Variants in LRBA observed in about 807,000 individuals in gnomAD.
The protein encoded by LRBA is lipopolysaccharide-responsive and beige-like anchor protein.
A neutral mutation model predicts 330.0 loss-of-function variants in LRBA; 176 were observed. The observed-to-expected ratio is 0.53, with a 90% confidence interval of 0.47 to 0.60. The LOEUF is 0.60. Among genes scored for constraint, LRBA ranks in the 20% least tolerant of loss-of-function variants. The pLI is 0.00. For missense variants in LRBA, 3,259 were observed against 3,444.8 expected (o/e 0.95, Z 1.35); for synonymous variants, 1,230 against 1,193.0 (o/e 1.03, Z -0.64).
At chr4:150,686,347 G>A in intron 36 of LRBA, among the ~76,000 whole-genome samples, 1 of 152,238 alleles carries the variant, frequency 6.6e-6, no homozygotes, top group South Asian at 2.1e-4. Flanking sequence ...AATTTCATAC[G>A]CTATATTTTT....
At chr4:150,866,668 T>C (rs1752728304) in intron 22 of LRBA, among the ~76,000 whole-genome samples, 1 of 152,190 alleles carries the variant, frequency 6.6e-6, no homozygotes, top group African/African-American at 2.4e-5. Context: ...TAGGAATATA[T>C]GCAGAAAATT....
At chr4:150,355,379 C>T (rs887302274) in intron 47 of LRBA, among the ~76,000 whole-genome samples, 1 of 151,984 alleles carries the variant, frequency 6.6e-6, no homozygotes, top group African/African-American at 2.4e-5. Flanking sequence ...TCATTCCCAG[C>T]TTAATGCTAA....
intron 11 of LRBA, 36 bp downstream of exon 11, chr4:150,908,298 T>G (rs1437155913): frequency 6.3e-7 from 1 of 1,594,988 alleles, no homozygotes; most frequent in African/African-American, 1.4e-5. Context: ...AAATTAACCC[T>G]CACAGCCAAT....
chr4:150,505,678 A>C (rs1468370762), intron 40 of LRBA, among the ~76,000 whole-genome samples: 35 of 150,910 alleles, frequency 2.3e-4, no homozygotes, highest in South Asian at 6.3e-4. Context: ...GAACTAGAAA[A>C]GCAAGAGCAA....
chr4:150,688,427 T>C (rs1783816653), intron 36 of LRBA, among the ~76,000 whole-genome samples: 1 of 152,158 alleles, frequency 6.6e-6, no homozygotes, highest in South Asian at 2.1e-4. Flanking sequence ...CCAAAAGCAA[T>C]GGCAACATAA....
At chr4:150,442,478 C>T (rs1581324536) in intron 44 of LRBA, among the ~76,000 whole-genome samples, 1 of 152,132 alleles carries the variant, frequency 6.6e-6, no homozygotes, top group East Asian at 1.9e-4. Context: ...GCTTAGGATC[C>T]TGATGACTGG....
chr4:150,737,782 C>T (rs1272947359), intron 35 of LRBA, among the ~76,000 whole-genome samples: 2 of 152,012 alleles, frequency 1.3e-5, no homozygotes, highest in Non-Finnish European at 2.9e-5. Flanking sequence ...GAAGTTAGTA[C>T]CAGGATGAGA....
In LRBA at chr4:150,852,668, T is replaced by C. The variant is rs1033804040; in HGVS notation, c.3042A>G (p.Thr1014=). ...ASNIELQTTN[T]SYEEMKAEQE... ...GCTCAGCTTTCATTTCTTCATAAGA[T>C]GTATTAGTAGTTTGCAGTTCAATAT... The change falls in exon 23 of 57, where the codon ACA becomes ACG. Residue 1014 remains threonine, a synonymous_variant. Transcript: ENST00000651943. 2 of 1,614,108 alleles carry C rather than the reference T, an allele frequency of 1.2e-6. No homozygotes were observed. The highest frequency in any genetic ancestry group is 2.7e-5 in the African/African-American group (2 of 75,064).
At chr4:150,526,424 G>T (rs892303018) in intron 40 of LRBA, among the ~76,000 whole-genome samples, 2 of 152,084 alleles carry the variant, frequency 1.3e-5, no homozygotes, top group Non-Finnish European at 2.9e-5. Flanking sequence ...ATGCTCATTT[G>T]CAGTTACAGA....
At chr4:150,952,101 T>C (rs1351067531) in intron 2 of LRBA, among the ~76,000 whole-genome samples, 2 of 152,256 alleles carry the variant, frequency 1.3e-5, no homozygotes, top group East Asian at 3.9e-4. Flanking sequence ...TCCAAATCAT[T>C]CTAAGAACCA....
intron 2 of LRBA, among the ~76,000 whole-genome samples, chr4:150,966,821 TCAGCATAAACAAATGGAAG>T (rs1478873752): frequency 1.3e-5 from 2 of 152,132 alleles, no homozygotes; most frequent in African/African-American, 4.8e-5. Flanking sequence ...ATGTCATCCA[TCAGCATAAACAAATGGAAG>T]TTCAAAAAAT....
In LRBA at chr4:150,386,168, A is replaced by C. The variant is rs1364577399; in HGVS notation, c.7194+29270T>G. ...AGATATTCTCAGTATTTGGCATCAT[A>C]ATAATCAAAATCAGCATTCTCCATA... On this transcript the variant is annotated intron_variant, in intron 47 of 56. Transcript: ENST00000651943. 1.8e-4 allele frequency among the ~76,000 whole-genome samples: 28 copies of C among 152,164 alleles called. 1 individual carries two copies. Among genetic ancestry groups the C allele is most frequent in the Admixed American group, 1.8e-3 (28 of 15,274 alleles).
chr4:150,982,063 T>C (rs1246269670), intron 2 of LRBA, among the ~76,000 whole-genome samples: 6 of 152,214 alleles, frequency 3.9e-5, no homozygotes, highest in Non-Finnish European at 8.8e-5. Flanking sequence ...TAGCATCTTA[T>C]GGAGTCAATG....
intron 28 of LRBA, among the ~76,000 whole-genome samples, chr4:150,835,920 T>A (rs1747979274): frequency 6.6e-6 from 1 of 152,220 alleles, no homozygotes; most frequent in South Asian, 2.1e-4. Flanking sequence ...CCATTCAGTA[T>A]GATATTGGCT....
chr4:150,501,263 G>C (rs569240984), intron 40 of LRBA, among the ~76,000 whole-genome samples: 3 of 152,040 alleles, frequency 2.0e-5, no homozygotes, highest in Non-Finnish European at 2.9e-5. Flanking sequence ...ACAGTATCTA[G>C]CACAATACTG....
chr4:150,557,895 C>A (rs1012612253), intron 40 of LRBA, among the ~76,000 whole-genome samples: 2 of 151,862 alleles, frequency 1.3e-5, no homozygotes, highest in Admixed American at 1.3e-4. Context: ...CCATACTGTA[C>A]CCTTTGTTTT....
At chr4:150,372,560 CAAAA>C (rs70937396) in intron 47 of LRBA, among the ~76,000 whole-genome samples, 4 of 101,662 alleles carry the variant, frequency 3.9e-5, no homozygotes, top group Non-Finnish European at 3.9e-5. Flanking sequence ...ATCCCATCTC[CAAAA>C]AAAAAAAAAA....
chr4:150,840,135 C>A (rs545122484), intron 28 of LRBA, among the ~76,000 whole-genome samples: 1 of 152,288 alleles, frequency 6.6e-6, no homozygotes, highest in South Asian at 2.1e-4. Context: ...AGGCTTTGGC[C>A]TAAGTGTGCC....
At chr4:150,837,995 A>C (rs1748427267) in intron 28 of LRBA, among the ~76,000 whole-genome samples, 3 of 152,134 alleles carry the variant, frequency 2.0e-5, no homozygotes, top group South Asian at 2.1e-4. Flanking sequence ...TGGTGGTGAC[A>C]AATCTCTCAG....
Sources: allele counts gnomAD v4.1 joint callset (sites outside exome capture counted in the v4.1 genomes callset), GRCh38; gene constraint gnomAD v4.1.1; transcripts MANE v1.5; gene names NCBI Gene and HGNC (gene_info 2026-07-23, HGNC 2026-07-21).